Variants in GLT1D1 observed in about 807,000 individuals in gnomAD.
The protein encoded by GLT1D1 is glycosyltransferase 1 domain containing 1.
A neutral mutation model predicts 28.7 loss-of-function variants in GLT1D1; 21 were observed. That is an observed-to-expected ratio of 0.73 (90% confidence interval 0.52 to 1.05). GLT1D1 has a LOEUF of 1.05. GLT1D1 is among the 50% of genes least tolerant of loss of function. GLT1D1 has a pLI of 0.00. For missense variants in GLT1D1, 343 were observed against 330.6 expected, an observed-to-expected ratio of 1.04 and a Z score of -0.29; for synonymous variants, 147 against 124.8, an observed-to-expected ratio of 1.18 and a Z score of -1.19.
At chr12:128,905,486 G>A (rs1341220084) in intron 4 of GLT1D1, among the ~76,000 whole-genome samples, 1 of 152,218 alleles carries the variant, frequency 6.6e-6, no homozygotes, top group East Asian at 1.9e-4. Context: ...TCAGCCCCCA[G>A]GGCTGCTCTT....
At chr12:128,951,360 A>G (rs1229730125) in intron 6 of GLT1D1, among the ~76,000 whole-genome samples, 1 of 152,178 alleles carries the variant, frequency 6.6e-6, no homozygotes, top group East Asian at 1.9e-4. Context: ...CTGAGATCAC[A>G]CCACTGTACT....
chr12:128,866,532 T>C (rs1217834386), intron 1 of GLT1D1, among the ~76,000 whole-genome samples: 2 of 146,326 alleles, frequency 1.4e-5, no homozygotes, highest in Non-Finnish European at 3.0e-5. Context: ...ACCATTCTGC[T>C]CTCTACTTCT....
chr12:128,874,113 TCTCTCTCTCTC>T (rs1956796092), intron 1 of GLT1D1, among the ~76,000 whole-genome samples: 6 of 65,940 alleles, frequency 9.1e-5, no homozygotes, highest in Admixed American at 1.9e-4. Context: ...TCTCTCTCTC[TCTCTCTCTCTC>T]TCTTTCTTTC....
At chr12:128,894,534 T>G (rs1869413187) in intron 3 of GLT1D1, among the ~76,000 whole-genome samples, 2 of 152,194 alleles carry the variant, frequency 1.3e-5, no homozygotes, top group South Asian at 4.2e-4. Context: ...TTTGATTATT[T>G]ATTTGTTATT....
intron 4 of GLT1D1, among the ~76,000 whole-genome samples, chr12:128,918,211 G>A (rs1872297929): frequency 1.3e-5 from 2 of 152,182 alleles, no homozygotes. Context: ...GGCAGGAACA[G>A]AAAACCAAAC....
intron 7 of GLT1D1, among the ~76,000 whole-genome samples, chr12:128,975,459 T>C (rs1593217106): frequency 2.9e-5 from 1 of 34,292 alleles, no homozygotes; most frequent in South Asian, 7.7e-4. Flanking sequence ...GTTTTTTATT[T>C]TTTTCTTTTG....
At position 128,926,951 on chromosome 12, in the gene GLT1D1, T is replaced by C. The variant is rs567606664; in HGVS notation, c.376-18375T>C. Among the ~76,000 whole-genome samples, 4 of 152,350 alleles carry C rather than the reference T, an allele frequency of 2.6e-5. No homozygotes were observed. The South Asian group carries it at 8.3e-4, about 32-fold the overall frequency. Reference sequence around the variant, plus strand: ...AAATGTCAAATACAGAAATTCTAAATAAATATAATTTAAATTGCCTAATAT... The same window carrying C: ...AAATGTCAAATACAGAAATTCTAAACAAATATAATTTAAATTGCCTAATAT... On this transcript the variant is annotated intron_variant, in intron 4 of 7. Transcript: ENST00000281703.
intron 7 of GLT1D1, among the ~76,000 whole-genome samples, chr12:128,960,347 T>C (rs1248863790): frequency 6.6e-6 from 1 of 152,214 alleles, no homozygotes; most frequent in Non-Finnish European, 1.5e-5. Context: ...GTAGGAGCTG[T>C]TGTTTTAAAC....
chr12:128,961,207 C>T (rs1427215766), intron 7 of GLT1D1, among the ~76,000 whole-genome samples: 1 of 152,170 alleles, frequency 6.6e-6, no homozygotes, highest in African/African-American at 2.4e-5. Flanking sequence ...TAGCAATTGG[C>T]TGACATGATT....
chr12:128,952,281 G>A (rs903604677), intron 6 of GLT1D1, among the ~76,000 whole-genome samples: 3 of 151,756 alleles, frequency 2.0e-5, no homozygotes, highest in Admixed American at 6.6e-5. Flanking sequence ...GATGTGCTCA[G>A]GGAGGCTCCA....
intron 1 of GLT1D1, among the ~76,000 whole-genome samples, chr12:128,870,750 G>C (rs1253242003): frequency 6.6e-6 from 1 of 152,122 alleles, no homozygotes; most frequent in Non-Finnish European, 1.5e-5. Context: ...TCAGCACTTT[G>C]GGAGGCTGAG....
At chr12:128,961,899 C>T (rs956257675) in intron 7 of GLT1D1, among the ~76,000 whole-genome samples, 8 of 151,630 alleles carry the variant, frequency 5.3e-5, no homozygotes, top group African/African-American at 1.7e-4. Flanking sequence ...GAAATGTGAC[C>T]TTTTTTTTTG....
In GLT1D1 at chr12:128,983,306, C is replaced by G; in HGVS notation, c.*216C>G. The G allele has an allele frequency of 1.9e-6, 1 of 530,422 alleles. No homozygotes were observed. The highest frequency in any genetic ancestry group is 3.4e-6 in the Non-Finnish European group (1 of 296,736). The allele number at this position is 530,422 out of a possible 1,614,324, so 32.9% of individuals were successfully genotyped here. A position where few individuals can be genotyped will look rare whatever the true frequency, so the allele number is the denominator to read the frequency against. On this transcript the variant is annotated 3_prime_UTR_variant, in exon 8 of 8. Transcript: ENST00000281703. This position sits in a 1 kb window ranked among gnomAD's most constrained non-coding sequence, Gnocchi z 4.7. ...GTCCCAGGCGTGTTCACCAGCCAGTCCTGATGGAGGTGCATGAGTGACTGG... is the reference window on the plus strand; with the variant it reads ...GTCCCAGGCGTGTTCACCAGCCAGTGCTGATGGAGGTGCATGAGTGACTGG...
At chr12:128,944,505 GC>G in intron 4 of GLT1D1, 1 of 1,025,204 alleles carries the variant, frequency 9.8e-7, no homozygotes, top group Non-Finnish European at 1.5e-6. Flanking sequence ...GAGCATCAAT[GC>G]CCACAGTTGT....
In GLT1D1 at chr12:128,874,098, T is replaced by TTCTCTC. The variant is rs1263001892; in HGVS notation, c.69-1792_69-1787dup. On this transcript the variant is annotated intron_variant, in intron 1 of 7. Coordinates refer to ENST00000281703, the MANE Select transcript of GLT1D1 (RefSeq NM_144669.3). ...TTTCTTTCTTTCTTTCTTTCTTTCTTTCTCTCTCTCTCTCTCTCTCTCTCT... is the reference window on the plus strand; with the variant it reads ...TTTCTTTCTTTCTTTCTTTCTTTCTTTCTCTCTCTCTCTCTCTCTCTCTCTCTCTCT... 2.7e-4 allele frequency among the ~76,000 whole-genome samples: 9 copies of TTCTCTC among 33,048 alleles called. 1 individual carries two copies. Among genetic ancestry groups the TTCTCTC allele is most frequent in the Admixed American group, 8.5e-4 (2 of 2,346 alleles). 21.7% of individuals were successfully genotyped at this position (33,048 alleles called of 152,430 possible).
chr12:128,981,886 C>T (rs533325170), intron 7 of GLT1D1, among the ~76,000 whole-genome samples: 3 of 152,154 alleles, frequency 2.0e-5, no homozygotes, highest in African/African-American at 7.2e-5. Context: ...GACCCACTGC[C>T]GCTCACGTGA....
intron 7 of GLT1D1, among the ~76,000 whole-genome samples, chr12:128,981,419 C>A (rs910025636): frequency 1.3e-5 from 2 of 152,084 alleles, no homozygotes; most frequent in Non-Finnish European, 2.9e-5. Flanking sequence ...AATAATATAC[C>A]CAGCTATAAG....
intron 7 of GLT1D1, among the ~76,000 whole-genome samples, chr12:128,981,642 C>G (rs527934119): frequency 6.6e-6 from 1 of 152,146 alleles, no homozygotes; most frequent in Non-Finnish European, 1.5e-5. Context: ...GTTTATGTGC[C>G]TTTTAAACAG....
At chr12:128,857,212 C>T (rs1010613403) in intron 1 of GLT1D1, among the ~76,000 whole-genome samples, 1 of 152,196 alleles carries the variant, frequency 6.6e-6, no homozygotes, top group Non-Finnish European at 1.5e-5. Flanking sequence ...CTGAGATTCA[C>T]TCCCCCATCA....
Sources: allele counts gnomAD v4.1 joint callset (sites outside exome capture counted in the v4.1 genomes callset), GRCh38; gene constraint gnomAD v4.1.1; non-coding constraint Gnocchi (gnomAD v3.1); transcripts MANE v1.5; gene names NCBI Gene and HGNC (gene_info 2026-07-23, HGNC 2026-07-21).